ARID4B: variants seen among roughly 807,000 people sequenced by gnomAD.
The protein encoded by ARID4B is AT-rich interaction domain 4B.
A neutral mutation model predicts 147.5 loss-of-function variants in ARID4B; 26 were observed. The ratio of observed to expected loss-of-function variants is 0.18; its 90% CI spans 0.13 to 0.24. The LOEUF (loss-of-function observed/expected upper bound fraction) is 0.24. Ranked by LOEUF, ARID4B falls within the 10% of genes least tolerant of loss-of-function variation. The pLI is 1.00. For synonymous variants in ARID4B, 512 were observed against 507.9 expected, an observed-to-expected ratio of 1.01 and a Z score of -0.11; for missense variants, 1,179 against 1,511.5, an observed-to-expected ratio of 0.78 and a Z score of 3.65.
intron 12 of ARID4B, among the ~76,000 whole-genome samples, chr1:235,224,086 G>T (rs759317469): frequency 6.6e-6 from 1 of 151,980 alleles, no homozygotes; most frequent in African/African-American, 2.4e-5. Context: ...TTACAATCAG[G>T]GATTTAGAAA....
intron 18 of ARID4B, among the ~76,000 whole-genome samples, chr1:235,194,830 G>GA (rs541818308): frequency 2.6e-5 from 4 of 151,516 alleles, no homozygotes; most frequent in African/African-American, 9.7e-5. Context: ...AAAAAAACAA[G>GA]AAAAAAAAGA....
intron 2 of ARID4B, among the ~76,000 whole-genome samples, chr1:235,281,321 C>T (rs565634697): frequency 1.3e-5 from 2 of 152,066 alleles, no homozygotes; most frequent in African/African-American, 2.4e-5. Context: ...GAGGCTGAGG[C>T]GGGTGGCTCA....
intron 2 of ARID4B, among the ~76,000 whole-genome samples, chr1:235,286,231 A>T (rs1671965015): frequency 1.3e-5 from 2 of 152,174 alleles, no homozygotes; most frequent in South Asian, 4.1e-4. Flanking sequence ...ACAGGGTCTC[A>T]CTATGTTACC....
At chr1:235,325,449 T>C (rs776503845) in intron 2 of ARID4B, among the ~76,000 whole-genome samples, 52 of 151,988 alleles carry the variant, frequency 3.4e-4, no homozygotes, top group Non-Finnish European at 5.9e-4. Context: ...TAACCAAACA[T>C]TTATAGAGCA....
At chr1:235,236,833 A>AAAAAAAAAATAT (rs1175189621) in intron 8 of ARID4B, among the ~76,000 whole-genome samples, 2 of 33,522 alleles carry the variant, frequency 6.0e-5, no homozygotes, top group East Asian at 1.5e-3. Context: ...TTTTATAAAA[A>AAAAAAAAAATAT]ATATATATAT....
rs780836624 is a variant in ARID4B at position 235,181,938 on chromosome 1, C to T, written c.2981G>A (p.Ser994Asn). The T allele has an allele frequency of 9.9e-6, 16 of 1,614,052 alleles. No individual in the cohort carries two copies. The highest frequency in any genetic ancestry group is 3.3e-4 in the Middle Eastern group (2 of 6,084). ...LEKPPPVNVD[S>N]KPIEEKTVEV... ...TACTGTTTTTTCTTCAATGGGTTTACTATCGACATTGACTGGAGGTGGTTT... is the reference window on the plus strand; with the variant it reads ...TACTGTTTTTTCTTCAATGGGTTTATTATCGACATTGACTGGAGGTGGTTT... Residue 994 changes from serine (S) to asparagine (N), a missense_variant, in exon 20 of 24, where the codon AGT (serine) becomes AAT (asparagine). Physicochemically the swap from Ser to Asn is conservative, Grantham distance 46. This residue lies in a region of ARID4B where 357 missense variants were observed against 427.3 expected (regional missense o/e 0.84). Coordinates refer to ENST00000264183, the MANE Select transcript of ARID4B (RefSeq NM_016374.6).
intron 13 of ARID4B, among the ~76,000 whole-genome samples, chr1:235,222,712 C>T (rs1190252562): frequency 7.4e-6 from 1 of 135,434 alleles, no homozygotes; most frequent in Non-Finnish European, 1.5e-5. Context: ...GAGTCTCATT[C>T]TGTCACGCAG....
intron 12 of ARID4B, among the ~76,000 whole-genome samples, chr1:235,223,684 C>CGTTT (rs149769753): frequency 0.011 from 1,300 of 117,068 alleles, 40 homozygotes; most frequent in Middle Eastern, 0.027. Flanking sequence ...AGTAAAGCTA[C>CGTTT]ATTTTTTTTT....
intron 5 of ARID4B, 70 bp downstream of exon 5, chr1:235,255,590 C>A: frequency 1.0e-6 from 1 of 974,172 alleles, no homozygotes; most frequent in Non-Finnish European, 1.5e-6. Context: ...CAGGAAATTT[C>A]ATTTTATTTG....
intron 2 of ARID4B, among the ~76,000 whole-genome samples, chr1:235,285,793 C>T (rs1671933090): frequency 6.6e-6 from 1 of 152,100 alleles, no homozygotes; most frequent in Non-Finnish European, 1.5e-5. Flanking sequence ...TATACATTAG[C>T]AACAATCAGA....
intron 2 of ARID4B, 96 bp from the exon 3 acceptor site, chr1:235,260,848 C>T (rs1355062269): frequency 1.3e-6 from 1 of 781,452 alleles, no homozygotes; most frequent in Admixed American, 3.2e-5. Context: ...TAAGCTACAA[C>T]AGTTATAAAT....
intron 15 of ARID4B, 22 bp downstream of exon 15, chr1:235,220,280 C>T (rs780499956): frequency 6.4e-7 from 1 of 1,572,264 alleles, no homozygotes; most frequent in Non-Finnish European, 8.6e-7. Context: ...AAGCAAAAGA[C>T]AATTAACAAT....
intron 2 of ARID4B, among the ~76,000 whole-genome samples, chr1:235,313,479 T>C (rs1389066885): frequency 1.3e-5 from 2 of 152,188 alleles, no homozygotes; most frequent in African/African-American, 4.8e-5. Context: ...GCAGGGCTCC[T>C]ACAGTCATTC....
chr1:235,221,886 A>ATTTTTTTTTTTTTTTTTTTTTTTTTT (rs768600040), intron 13 of ARID4B, among the ~76,000 whole-genome samples: 1 of 53,660 alleles, frequency 1.9e-5, no homozygotes, highest in African/African-American at 8.7e-5. Flanking sequence ...TCATTTGACT[A>ATTTTTTTTTTTTTTTTTTTTTTTTTT]TTTTTTTTTT....
intron 2 of ARID4B, among the ~76,000 whole-genome samples, chr1:235,301,903 G>A (rs1337720780): frequency 6.6e-6 from 1 of 151,510 alleles, no homozygotes; most frequent in African/African-American, 2.4e-5. Context: ...TTAGTAGAGA[G>A]GGGGTTTCAA....
intron 8 of ARID4B, among the ~76,000 whole-genome samples, chr1:235,235,317 C>T (rs922934169): frequency 2.6e-5 from 4 of 152,100 alleles, no homozygotes; most frequent in Non-Finnish European, 4.4e-5. Context: ...ACAGAAAAAT[C>T]AGGTCTGGAG....
rs1048850464 is a variant in ARID4B at position 235,172,738 on chromosome 1, C to T, written c.3691G>A (p.Glu1231Lys). The part of the protein sequence containing the change: ...MSDLENMTSA[E>K]RITILQEKLQ... ...TTTTCTTGAAGAATTGTGATGCGTT[C>T]GGCACTTGTCATATTTTCCAGGTCC... Residue 1231 changes from glutamate (E) to lysine (K), a missense_variant, in exon 23 of 24, where the codon GAA becomes AAA. Transcript: ENST00000264183. 7 of 1,572,150 alleles carry T rather than the reference C, an allele frequency of 4.5e-6. No homozygotes were observed. The highest frequency in any genetic ancestry group is 2.0e-5 in the Admixed American group (1 of 49,198).
chr1:235,182,046 G>A lies in ARID4B; in HGVS notation c.2873C>T (p.Pro958Leu). The A allele has an allele frequency of 1.2e-6, 2 of 1,614,144 alleles. No homozygotes were observed. Among genetic ancestry groups the A allele is most frequent in the African/African-American group, 2.7e-5 (2 of 75,036 alleles). Residue 958 changes from proline to leucine, a missense_variant, in exon 20 of 24, where the codon CCT becomes CTT. Coordinates refer to ENST00000264183, the MANE Select transcript of ARID4B (RefSeq NM_016374.6). The part of the protein sequence containing the change: ...DTEAAASPPH[P>L]APEEGVAEES... ...CTCTGCCACCCCCTCCTCTGGGGCA[G>A]GATGCGGTGGGGAAGCTGCAGCCTC...
intron 6 of ARID4B, among the ~76,000 whole-genome samples, chr1:235,247,700 T>C (rs574109213): frequency 6.6e-6 from 1 of 152,072 alleles, no homozygotes; most frequent in Non-Finnish European, 1.5e-5. Flanking sequence ...TTAAAAAATA[T>C]TATTTGGGCC....
Sources: gnomAD v4.1 joint callset for allele counts (sites outside exome capture counted in the v4.1 genomes callset) on GRCh38, gnomAD v4.1.1 for gene constraint, gnomAD v4.1.1 regional missense constraint, MANE v1.5 for transcripts, NCBI Gene and HGNC (gene_info 2026-07-23, HGNC 2026-07-21) for gene names.